CSMD3: variants seen among roughly 807,000 people sequenced by gnomAD.
The protein encoded by CSMD3 is CUB and Sushi multiple domains 3, also known as CUB and sushi domain-containing protein 3.
Under a neutral mutation model 435.2 loss-of-function variants are expected in CSMD3, and 177 were observed. The ratio of observed to expected loss-of-function variants is 0.41; its 90% CI spans 0.36 to 0.46. The LOEUF is 0.46. Among genes scored for constraint, CSMD3 ranks in the 20% least tolerant of loss-of-function variants. The pLI, the probability that CSMD3 is intolerant of heterozygous loss-of-function variation, is 0.34. For missense variants in CSMD3, 4,265 were observed against 4,504.6 expected (o/e 0.95, Z 1.52); for synonymous variants, 1,656 against 1,520.5 (o/e 1.09, Z -2.07).
intron 58 of CSMD3, among the ~76,000 whole-genome samples, chr8:112,282,825 A>G (rs752734371): frequency 2.0e-5 from 3 of 152,114 alleles, no homozygotes; most frequent in Non-Finnish European, 4.4e-5. Context: ...CCTCTGCAAT[A>G]TTGACATTTA....
intron 22 of CSMD3, among the ~76,000 whole-genome samples, chr8:112,618,826 T>A (rs992441762): frequency 1.3e-5 from 2 of 152,132 alleles, no homozygotes; most frequent in African/African-American, 4.8e-5. Flanking sequence ...AATATATTCA[T>A]GATTAAGTTA....
At chr8:112,924,291 T>C (rs2082841052) in intron 9 of CSMD3, among the ~76,000 whole-genome samples, 1 of 152,174 alleles carries the variant, frequency 6.6e-6, no homozygotes, top group Non-Finnish European at 1.5e-5. Context: ...CATGGAGATG[T>C]TATGATGGCA....
intron 38 of CSMD3, among the ~76,000 whole-genome samples, chr8:112,373,590 C>A (rs545298541): frequency 6.6e-6 from 1 of 152,152 alleles, no homozygotes; most frequent in South Asian, 2.1e-4. Context: ...ATATCTCAAC[C>A]AGCATTTTGA....
intron 27 of CSMD3, among the ~76,000 whole-genome samples, chr8:112,518,662 C>T (rs2130999736): frequency 6.7e-6 from 1 of 148,358 alleles, no homozygotes; most frequent in African/African-American, 2.5e-5. Context: ...GAGAGGGAAA[C>T]TTACTCATTA....
At chr8:112,712,081 T>A (rs976595585) in intron 13 of CSMD3, among the ~76,000 whole-genome samples, 1 of 152,098 alleles carries the variant, frequency 6.6e-6, no homozygotes, top group Non-Finnish European at 1.5e-5. Flanking sequence ...TGTGACACTC[T>A]GTGTGCAAGT....
intron 25 of CSMD3, among the ~76,000 whole-genome samples, chr8:112,553,440 A>C (rs186216449): frequency 6.6e-6 from 1 of 152,196 alleles, no homozygotes; most frequent in Non-Finnish European, 1.5e-5. Flanking sequence ...CAACCTAGAA[A>C]GAGTCTCTGT....
chr8:112,511,491 G>C (rs1432590707), intron 28 of CSMD3, among the ~76,000 whole-genome samples: 1 of 145,576 alleles, frequency 6.9e-6, no homozygotes, highest in Non-Finnish European at 1.5e-5. Flanking sequence ...CCGGGTTCAC[G>C]CCATTCTCCT....
intron 24 of CSMD3, among the ~76,000 whole-genome samples, chr8:112,565,894 A>G (rs1181743969): frequency 6.6e-6 from 1 of 152,068 alleles, no homozygotes; most frequent in African/African-American, 2.4e-5. Context: ...GAGTTTAGAG[A>G]TTTCATGAAC....
intron 4 of CSMD3, among the ~76,000 whole-genome samples, chr8:113,133,646 C>T (rs898541416): frequency 3.3e-5 from 5 of 152,040 alleles, no homozygotes; most frequent in Non-Finnish European, 5.9e-5. Context: ...CATAACAGCA[C>T]TATTCACACT....
chr8:112,440,153 C>T (rs1216504308), intron 32 of CSMD3, among the ~76,000 whole-genome samples: 4 of 152,134 alleles, frequency 2.6e-5, no homozygotes, highest in East Asian at 1.9e-4. Context: ...TAAATACAAT[C>T]GGGTTACAGG....
intron 13 of CSMD3, among the ~76,000 whole-genome samples, chr8:112,715,364 A>G (rs996254797): frequency 1.3e-4 from 20 of 152,288 alleles, no homozygotes; most frequent in Non-Finnish European, 2.2e-4. Flanking sequence ...CCCTCCAAAA[A>G]CTAAACCAGA....
intron 40 of CSMD3, among the ~76,000 whole-genome samples, chr8:112,350,597 A>G (rs1826052169): frequency 6.6e-6 from 1 of 152,114 alleles, no homozygotes; most frequent in South Asian, 2.1e-4. Flanking sequence ...CAGTATATTA[A>G]TAGTTGCACA....
chr8:112,252,081 A>T (rs1815317510), intron 63 of CSMD3, among the ~76,000 whole-genome samples: 1 of 151,892 alleles, frequency 6.6e-6, no homozygotes, highest in African/African-American at 2.4e-5. Flanking sequence ...AAATGAACAC[A>T]TTAAAGAGAA....
At chr8:112,656,775 A>T (rs2131664518) in intron 17 of CSMD3, among the ~76,000 whole-genome samples, 1 of 152,158 alleles carries the variant, frequency 6.6e-6, no homozygotes, top group South Asian at 2.1e-4. Flanking sequence ...ATTATTTTTT[A>T]TTCAAGTGTT....
rs1430426469 is a variant in CSMD3, at chr8:112,383,599, T to C, written c.5999A>G (p.Asp2000Gly). 2 of 1,604,592 alleles carry C rather than the reference T, an allele frequency of 1.2e-6. No homozygotes were observed. The highest frequency in any genetic ancestry group is 1.7e-6 in the Non-Finnish European group (2 of 1,171,476). Residue 2000 changes from aspartate to glycine, a missense_variant, in exon 37 of 71, where the codon GAC becomes GGC. By Grantham distance (94) the Asp-to-Gly change is moderately conservative. Around this residue, in one of 3 missense-constraint regions of CSMD3, gnomAD observed 3,255 missense variants for 3,380.2 expected, o/e 0.96. Coordinates refer to ENST00000297405, the MANE Select transcript of CSMD3 (RefSeq NM_198123.2). The part of the protein sequence containing the change: ...WDSLDFYDGG[D>G]NNAPRLGSYS... ...GCTTCCAAGTCTTGGAGCATTGTTG[T>C]CTCCCCCATCATAAAAGTCCAGAGA... is the stretch of plus-strand genomic sequence containing the variant.
intron 5 of CSMD3, among the ~76,000 whole-genome samples, chr8:113,056,603 T>G (rs2088351559): frequency 6.6e-6 from 1 of 152,146 alleles, no homozygotes; most frequent in Non-Finnish European, 1.5e-5. Flanking sequence ...CATTCAAGAG[T>G]CATCTTTGAA....
At chr8:112,586,975 C>G (rs1830780663) in intron 23 of CSMD3, 91 bp downstream of exon 23, 1 of 828,056 alleles carries the variant, frequency 1.2e-6, no homozygotes, top group South Asian at 1.5e-5. Context: ...TATATACATA[C>G]ACATATATAT....
chr8:112,720,569 A>G (rs1276583461), intron 13 of CSMD3, among the ~76,000 whole-genome samples: 1 of 152,180 alleles, frequency 6.6e-6, no homozygotes, highest in African/African-American at 2.4e-5. Flanking sequence ...GCGAGGAATC[A>G]CATTCATTTG....
At chr8:112,983,503 G>A (rs1486594956) in intron 6 of CSMD3, among the ~76,000 whole-genome samples, 1 of 150,270 alleles carries the variant, frequency 6.7e-6, no homozygotes, top group Non-Finnish European at 1.5e-5. Flanking sequence ...ATTAAGTATT[G>A]CCCAAAAAAA....
Sources: gnomAD v4.1 joint callset for allele counts (sites outside exome capture counted in the v4.1 genomes callset) on GRCh38, gnomAD v4.1.1 for gene constraint, gnomAD v4.1.1 regional missense constraint, MANE v1.5 for transcripts, NCBI Gene and HGNC (gene_info 2026-07-23, HGNC 2026-07-21) for gene names.